KLHL2: variants seen among roughly 807,000 people sequenced by gnomAD.
The protein encoded by KLHL2 is kelch-like protein 2.
In KLHL2, 15 loss-of-function variants were observed where a neutral mutation model predicts 75.8. The observed-to-expected ratio is 0.20, with a 90% confidence interval of 0.13 to 0.30. The LOEUF is 0.30. Ranked by LOEUF, KLHL2 falls within the 10% of genes least tolerant of loss-of-function variation. KLHL2 has a pLI of 1.00. For missense variants in KLHL2, 381 were observed against 741.0 expected (o/e 0.51, Z 5.64); for synonymous variants, 214 against 251.9 (o/e 0.85, Z 1.42).
At chr4:165,308,033 T>C (rs537057127) in intron 9 of KLHL2, among the ~76,000 whole-genome samples, 4 of 152,320 alleles carry the variant, frequency 2.6e-5, no homozygotes, top group African/African-American at 7.2e-5. Context: ...TCTCTTCCAT[T>C]GATTTGTCTT....
chr4:165,315,768 G>C lies in KLHL2; in HGVS notation c.1609+1602G>C, dbSNP rs185080694. Among the ~76,000 whole-genome samples, 123 of 152,158 alleles carry C rather than the reference G, an allele frequency of 8.1e-4. 3 individuals carry two copies. The East Asian group carries it at 0.018, about 22-fold the overall frequency. ...CCTCATCCAAGCACCTAAATTATTGGAAAGAAAGAACTAAGCTGGCAAAGA... is the reference window on the plus strand; with the variant it reads ...CCTCATCCAAGCACCTAAATTATTGCAAAGAAAGAACTAAGCTGGCAAAGA... On this transcript the variant is annotated intron_variant, in intron 13 of 14. Transcript: ENST00000226725.
At chr4:165,300,741 G>A (rs1417681015) in intron 8 of KLHL2, among the ~76,000 whole-genome samples, 1 of 152,086 alleles carries the variant, frequency 6.6e-6, no homozygotes, top group Admixed American at 6.5e-5. Context: ...CTTTATTTAT[G>A]TATTTATTTT....
intron 3 of KLHL2, among the ~76,000 whole-genome samples, chr4:165,229,351 C>T (rs1007079392): frequency 7.9e-5 from 12 of 152,092 alleles, no homozygotes; most frequent in African/African-American, 2.9e-4. Flanking sequence ...AGCTCATGTT[C>T]TACTTTGGCA....
At chr4:165,267,347 T>C (rs1210667403) in intron 5 of KLHL2, among the ~76,000 whole-genome samples, 1 of 152,218 alleles carries the variant, frequency 6.6e-6, no homozygotes, top group Admixed American at 6.5e-5. Flanking sequence ...TCCAACACTA[T>C]GTGGAATAGG....
chr4:165,214,126 C>G (rs1173931778), intron 1 of KLHL2, among the ~76,000 whole-genome samples: 1 of 152,146 alleles, frequency 6.6e-6, no homozygotes, highest in Non-Finnish European at 1.5e-5. Flanking sequence ...TGGTTCTCAT[C>G]TAGTACCTTT....
intron 9 of KLHL2, among the ~76,000 whole-genome samples, chr4:165,308,066 A>G (rs949691109): frequency 6.6e-6 from 1 of 152,176 alleles, no homozygotes; most frequent in Non-Finnish European, 1.5e-5. Flanking sequence ...ATCAAGACAA[A>G]GCCAATTTTA....
chr4:165,233,306 G>T (rs1443570538), intron 3 of KLHL2, among the ~76,000 whole-genome samples: 9 of 152,184 alleles, frequency 5.9e-5, no homozygotes, highest in African/African-American at 2.2e-4. Context: ...TTGGGTTCTC[G>T]TGTTTTTAGA....
At chr4:165,291,834 T>A (rs79191562) in intron 5 of KLHL2, among the ~76,000 whole-genome samples, 2,461 of 148,962 alleles carry the variant, frequency 0.017, 59 homozygotes, top group African/African-American at 0.057. Context: ...TTATTTTTAA[T>A]TTTTTTTTTT....
intron 5 of KLHL2, among the ~76,000 whole-genome samples, chr4:165,290,155 G>GT (rs1351028831): frequency 3.9e-4 from 58 of 149,596 alleles, no homozygotes; most frequent in Admixed American, 8.0e-4. Flanking sequence ...TTTTTTATTT[G>GT]TTTTTTTTTG....
chr4:165,246,815 G>T (rs1740301211), intron 4 of KLHL2, among the ~76,000 whole-genome samples: 1 of 152,184 alleles, frequency 6.6e-6, no homozygotes, highest in South Asian at 2.1e-4. Context: ...TTCTGTGATG[G>T]GAAGGGTCAG....
chr4:165,218,122 A>G (rs1324322767), intron 1 of KLHL2, among the ~76,000 whole-genome samples: 1 of 152,146 alleles, frequency 6.6e-6, no homozygotes, highest in African/African-American at 2.4e-5. Context: ...TTTTTAGTGA[A>G]TTATTGTAAT....
intron 2 of KLHL2, among the ~76,000 whole-genome samples, chr4:165,224,952 A>T (rs534372043): frequency 6.6e-6 from 1 of 152,330 alleles, no homozygotes; most frequent in Admixed American, 6.5e-5. Context: ...GAAGATAGAC[A>T]CCGTGCATTT....
In KLHL2 at chr4:165,207,791, C is replaced by A. The variant is rs1736926679; in HGVS notation, c.-86C>A. ...CCGGGGCGGATGGAACGCGGCTCGG[C>A]GGGCGGGCAGTGCCGGCGTCCGCGG... On this transcript the variant is annotated 5_prime_UTR_variant, in exon 1 of 15. Coordinates refer to ENST00000226725, the MANE Select transcript of KLHL2 (RefSeq NM_007246.4). The surrounding 1 kb of genome is among the most constrained non-coding windows in gnomAD (Gnocchi z 4.2). The A allele has an allele frequency of 3.3e-6, 4 of 1,216,554 alleles. No individual in the cohort carries two copies. In the Admixed American group the frequency reaches 8.0e-5, roughly 24 times the overall value. 75.4% of individuals were successfully genotyped at this position (1,216,554 alleles called of 1,614,324 possible).
chr4:165,302,591 C>T (rs1216181716), intron 8 of KLHL2, among the ~76,000 whole-genome samples: 1 of 152,086 alleles, frequency 6.6e-6, no homozygotes, highest in Non-Finnish European at 1.5e-5. Context: ...TGGATTTGCA[C>T]ATCATAATAA....
At chr4:165,270,058 T>C (rs1460748371) in intron 5 of KLHL2, among the ~76,000 whole-genome samples, 1 of 152,198 alleles carries the variant, frequency 6.6e-6, no homozygotes, top group Non-Finnish European at 1.5e-5. Flanking sequence ...TCTTGCTTTA[T>C]TTCATTAATT....
chr4:165,311,377 T>C, intron 10 of KLHL2, 87 bp from the exon 11 acceptor site: 1 of 896,132 alleles, frequency 1.1e-6, no homozygotes, highest in South Asian at 1.7e-5. Flanking sequence ...TTTAGCCCAG[T>C]ATAACATACC....
rs1740420135 is a variant in KLHL2 at position 165,248,236 on chromosome 4, A to T, written c.381+9337A>T. Among the ~76,000 whole-genome samples, 5 of 152,322 alleles carry T rather than the reference A, an allele frequency of 3.3e-5. 1 individual carries two copies. The South Asian group carries it at 1.0e-3, about 32-fold the overall frequency. On this transcript the variant is annotated intron_variant, in intron 4 of 14. Transcript: ENST00000226725. ...CAGGAAACCGAGATGTTCTATTTGGATGTTTATGTCATCAAAAATTGTCAG... is the reference window on the plus strand; with the variant it reads ...CAGGAAACCGAGATGTTCTATTTGGTTGTTTATGTCATCAAAAATTGTCAG...
chr4:165,230,302 T>G (rs892624497), intron 3 of KLHL2, among the ~76,000 whole-genome samples: 1 of 152,224 alleles, frequency 6.6e-6, no homozygotes, highest in Non-Finnish European at 1.5e-5. Flanking sequence ...TGCCACTTAC[T>G]TGTTGGAACT....
rs755807613 is a variant in KLHL2 at position 165,294,475 on chromosome 4, A to C, written c.654+7A>C. On this transcript the variant is annotated splice_region_variant and intron_variant, in intron 6 of 14. Transcript: ENST00000226725. Reference sequence around the variant, plus strand: ...CATTTCTTCAGAAGAGAAGGTAAGGATATTTTTCTTTTCCCAGTGTGCAAT... The same window carrying C: ...CATTTCTTCAGAAGAGAAGGTAAGGCTATTTTTCTTTTCCCAGTGTGCAAT... 4.5e-5 allele frequency: 66 copies of C among 1,476,844 alleles called. No individual in the cohort carries two copies. In the Admixed American group the frequency reaches 1.1e-3, roughly 26 times the overall value. The allele number at this position is 1,476,844 out of a possible 1,614,324, so 91.5% of individuals were successfully genotyped here.
Sources: gnomAD v4.1 joint callset for allele counts (sites outside exome capture counted in the v4.1 genomes callset) on GRCh38, gnomAD v4.1.1 for gene constraint, Gnocchi (gnomAD v3.1) non-coding constraint, MANE v1.5 for transcripts, NCBI Gene and HGNC (gene_info 2026-07-23, HGNC 2026-07-21) for gene names.